The following PCDHGA10 variants were observed in gnomAD, a reference collection of about 807,000 sequenced individuals.
The protein encoded by PCDHGA10 is protocadherin gamma subfamily A, 10.
Under a neutral mutation model 59.5 loss-of-function variants are expected in PCDHGA10, and 42 were observed. That is an observed-to-expected ratio of 0.71 (90% CI 0.55 to 0.91). PCDHGA10 has a LOEUF of 0.91. Ranked by LOEUF, PCDHGA10 falls within the 40% of genes least tolerant of loss-of-function variation. The pLI is 0.00. For synonymous variants in PCDHGA10, 511 were observed against 517.2 expected (o/e 0.99, Z 0.16); for missense variants, 1,111 against 1,198.2 (o/e 0.93, Z 1.07).
intron 1 of PCDHGA10, among the ~76,000 whole-genome samples, chr5:141,482,412 T>C (rs2099559037): frequency 6.6e-6 from 1 of 151,636 alleles, no homozygotes; most frequent in Non-Finnish European, 1.5e-5. Context: ...TAACTATTTG[T>C]TGAACTAAAA....
At chr5:141,441,764 C>T (rs1407504024) in intron 1 of PCDHGA10, 1 of 384,478 alleles carries the variant, frequency 2.6e-6, no homozygotes, top group South Asian at 2.1e-5. Context: ...TGAGCCTGCG[C>T]GTGTTGGTGG....
At position 141,414,085 on chromosome 5, in the gene PCDHGA10, G is replaced by C. The variant is rs1459185694; in HGVS notation, c.910G>C (p.Glu304Gln). 1 of 1,600,126 alleles carries C rather than the reference G, an allele frequency of 6.2e-7. No homozygotes were observed. The highest frequency in any genetic ancestry group is 8.5e-7 in the Non-Finnish European group (1 of 1,173,212). ...GTTCCAACTAAACAAATATACTGGA[G>C]AAATAAAAATATCAGAAAATCTAGA... The part of the protein sequence containing the change: ...LKFQLNKYTG[E>Q]IKISENLDYE... The change falls in exon 1 of 4, where the codon GAA becomes CAA. Residue 304 changes from glutamate (E) to glutamine (Q), a missense_variant. By Grantham distance (29) the Glu-to-Gln change is conservative (BLOSUM62 2). Transcript: ENST00000398610.
At position 141,472,368 on chromosome 5, in the gene PCDHGA10, C is replaced by T. The variant is rs555805048; in HGVS notation, c.2437-22439C>T. ...CATCCTGGCTAACACGGTGAAACCC[C>T]GTCTCCACTAAAAATAGAAAAAATT... is the stretch of plus-strand genomic sequence containing the variant. On this transcript the variant is annotated intron_variant, in intron 1 of 3. Transcript: ENST00000398610. Among the ~76,000 whole-genome samples, 214 of 152,012 alleles carry T rather than the reference C, an allele frequency of 1.4e-3. 1 individual carries two copies. The highest frequency in any genetic ancestry group is 4.8e-3 in the African/African-American group (199 of 41,452).
rs759437302 is a variant in PCDHGA10, at chr5:141,476,861, T to C, written c.2437-17946T>C. On this transcript the variant is annotated intron_variant, in intron 1 of 3. Transcript: ENST00000398610. The surrounding 1 kb of genome is among the most constrained non-coding windows in gnomAD (Gnocchi z 7.6). Reference sequence around the variant, plus strand: ...TGCGCCTGTCTTCAACCAGTCCTTGTACCGGGCGCGCGTCCTGGAGGATGC... The same window carrying C: ...TGCGCCTGTCTTCAACCAGTCCTTGCACCGGGCGCGCGTCCTGGAGGATGC... 6.2e-7 allele frequency: 1 copy of C among 1,613,864 alleles called. No individual in the cohort carries two copies. The highest frequency in any genetic ancestry group is 1.7e-5 in the Admixed American group (1 of 60,034).
In PCDHGA10 at chr5:141,491,867, T is replaced by A. The variant is rs1424221139; in HGVS notation, c.2437-2940T>A. On this transcript the variant is annotated intron_variant, in intron 1 of 3. Transcript: ENST00000398610. The surrounding 1 kb of genome is among the most constrained non-coding windows in gnomAD (Gnocchi z 6.9). ...TTGGACCGTTTGCGCGAAACCAGAG[T>A]GGCCGATTAAGGGATGGGGCTCCGA... 6.9e-7 allele frequency: 1 copy of A among 1,452,218 alleles called. No homozygotes were observed. The highest frequency in any genetic ancestry group is 9.1e-7 in the Non-Finnish European group (1 of 1,099,056). The allele number at this position is 1,452,218 out of a possible 1,614,324, so 90.0% of individuals were successfully genotyped here. A position where few individuals can be genotyped will look rare whatever the true frequency, so the allele number is the denominator to read the frequency against.
At chr5:141,481,533 T>TG (rs1246139713) in intron 1 of PCDHGA10, among the ~76,000 whole-genome samples, 2 of 152,200 alleles carry the variant, frequency 1.3e-5, no homozygotes, top group Admixed American at 6.5e-5. Context: ...AATCTAGAGA[T>TG]GGGGCTGGGC....
chr5:141,447,979 G>A (rs888759756), intron 1 of PCDHGA10, among the ~76,000 whole-genome samples: 15 of 151,814 alleles, frequency 9.9e-5, no homozygotes, highest in Admixed American at 5.9e-4. Context: ...CCAGCTACTC[G>A]GGAGGCTGAG....
chr5:141,432,090 A>T lies in PCDHGA10; in HGVS notation c.2436+16479A>T. 1 of 1,614,164 alleles carries T rather than the reference A, an allele frequency of 6.2e-7. No homozygotes were observed. Among genetic ancestry groups the T allele is most frequent in the Non-Finnish European group, 8.5e-7 (1 of 1,180,034 alleles). On this transcript the variant is annotated intron_variant, in intron 1 of 3. Transcript: ENST00000398610. The surrounding 1 kb of genome is among the most constrained non-coding windows in gnomAD (Gnocchi z 6.0). ...ACTCATATCTCGCTGAACGTGGCAG[A>T]CACCAACGACAACCCGCCGGTCTTC... is the stretch of plus-strand genomic sequence containing the variant.
At position 141,476,753 on chromosome 5, in the gene PCDHGA10, G is replaced by C; in HGVS notation, c.2437-18054G>C. On this transcript the variant is annotated intron_variant, in intron 1 of 3. Coordinates refer to ENST00000398610, the MANE Select transcript of PCDHGA10 (RefSeq NM_018913.3). This position sits in a 1 kb window ranked among gnomAD's most constrained non-coding sequence, Gnocchi z 7.6. Reference sequence around the variant, plus strand: ...AGAACGGGAGCCTAGTCTCCAGTTAGTGCTGACGGCGTTGGACGGAGGGAC... The same window carrying C: ...AGAACGGGAGCCTAGTCTCCAGTTACTGCTGACGGCGTTGGACGGAGGGAC... 3.1e-6 allele frequency: 5 copies of C among 1,614,012 alleles called. No individual in the cohort carries two copies. The highest frequency in any genetic ancestry group is 4.2e-6 in the Non-Finnish European group (5 of 1,180,030).
In PCDHGA10 at chr5:141,489,844, C is replaced by A; in HGVS notation, c.2437-4963C>A. 2 of 1,614,148 alleles carry A rather than the reference C, an allele frequency of 1.2e-6. No individual in the cohort carries two copies. Among genetic ancestry groups the A allele is most frequent in the Non-Finnish European group, 1.7e-6 (2 of 1,179,982 alleles). On this transcript the variant is annotated intron_variant, in intron 1 of 3. Coordinates refer to ENST00000398610, the MANE Select transcript of PCDHGA10 (RefSeq NM_018913.3). The surrounding 1 kb of genome is among the most constrained non-coding windows in gnomAD (Gnocchi z 4.5). Reference sequence around the variant, plus strand: ...GCTGGTGCTAGAGCAGCAGCTGGATCGTGAAGCCCAGGCAAGACATCAGCT... The same window carrying A: ...GCTGGTGCTAGAGCAGCAGCTGGATAGTGAAGCCCAGGCAAGACATCAGCT...
Position 141,505,229 on chromosome 5 carries a change from G to T in PCDHGA10, c.2496-164G>T, listed in dbSNP as rs116169437. 9.5e-4 allele frequency: 809 copies of T among 847,460 alleles called. 6 individuals carry two copies. In the African/African-American group the frequency reaches 0.013, roughly 13 times the overall value. 52.5% of individuals were successfully genotyped at this position (847,460 alleles called of 1,614,324 possible). ...TGAGGGACTGACTTGTGGGATTCTG[G>T]CTTCTGAAGGATTGTAGAAGTGCCT... On this transcript the variant is annotated intron_variant, in intron 2 of 3. Coordinates refer to ENST00000398610, the MANE Select transcript of PCDHGA10 (RefSeq NM_018913.3).
chr5:141,431,604 G>C lies in PCDHGA10; in HGVS notation c.2436+15993G>C. 1 of 1,614,206 alleles carries C rather than the reference G, an allele frequency of 6.2e-7. No individual in the cohort carries two copies. Among genetic ancestry groups the C allele is most frequent in the South Asian group, 1.1e-5 (1 of 91,088 alleles). On this transcript the variant is annotated intron_variant, in intron 1 of 3. Coordinates refer to ENST00000398610, the MANE Select transcript of PCDHGA10 (RefSeq NM_018913.3). The surrounding 1 kb of genome is among the most constrained non-coding windows in gnomAD (Gnocchi z 4.8). ...AATGCGGAAGTGAGGTATTCCTTCC[G>C]GTATGTGGACGACAAGGCGGCCCAA...
At chr5:141,478,500 T>G in intron 1 of PCDHGA10, 1 of 1,612,740 alleles carries the variant, frequency 6.2e-7, no homozygotes, top group Non-Finnish European at 8.5e-7. Flanking sequence ...TGTGATCCGG[T>G]GTTCTATAGG....
Position 141,425,635 on chromosome 5 carries a change from T to C in PCDHGA10, c.2436+10024T>C, listed in dbSNP as rs376675545. On this transcript the variant is annotated intron_variant, in intron 1 of 3. Coordinates refer to ENST00000398610, the MANE Select transcript of PCDHGA10 (RefSeq NM_018913.3). ...TCAGTGCTCCTCCAGTTTTCTCTGA[T>C]AAAACTAGGAGGAAAATTATCTGCA... Among the ~76,000 whole-genome samples, 51 of 152,354 alleles carry C rather than the reference T, an allele frequency of 3.3e-4. 1 individual carries two copies. The South Asian group carries it at 0.01, about 30-fold the overall frequency.
rs1193465269 is a variant in PCDHGA10 at position 141,467,055 on chromosome 5, C to CT, written c.2437-27736dup. Among the ~76,000 whole-genome samples, 814 of 134,448 alleles carry CT rather than the reference C, an allele frequency of 6.1e-3. 10 individuals carry two copies. Among genetic ancestry groups the CT allele is most frequent in the African/African-American group, 0.018 (656 of 36,920 alleles). The allele number at this position is 134,448 out of a possible 152,430, so 88.2% of individuals were successfully genotyped here. A position where few individuals can be genotyped will look rare whatever the true frequency, so the allele number is the denominator to read the frequency against. Reference sequence around the variant, plus strand: ...TTTTTGTGTAATGAATCAATGTTTTCTTTTTTTTTTTTTTTTAGACCAAGT... The same window carrying CT: ...TTTTTGTGTAATGAATCAATGTTTTCTTTTTTTTTTTTTTTTTAGACCAAGT... On this transcript the variant is annotated intron_variant, in intron 1 of 3. Coordinates refer to ENST00000398610, the MANE Select transcript of PCDHGA10 (RefSeq NM_018913.3).
At chr5:141,419,723 C>A in intron 1 of PCDHGA10, 6 of 1,613,292 alleles carry the variant, frequency 3.7e-6, no homozygotes, top group Non-Finnish European at 5.1e-6. Flanking sequence ...CCTGGGGCTG[C>A]GAACAGGCGA....
chr5:141,440,330 G>A (rs1377511406), intron 1 of PCDHGA10: 1 of 152,162 alleles, frequency 6.6e-6, no homozygotes, highest in Non-Finnish European at 1.5e-5. Context: ...ACTGGGCATG[G>A]TGGTGCAGGC....
intron 1 of PCDHGA10, chr5:141,418,093 C>T: frequency 6.2e-7 from 1 of 1,614,032 alleles, no homozygotes; most frequent in East Asian, 2.2e-5. Flanking sequence ...TCAGCGTAGA[C>T]GCGCAGAGCG....
intron 1 of PCDHGA10, chr5:141,422,813 TAGAACTG>T: frequency 6.2e-7 from 1 of 1,614,192 alleles, no homozygotes; most frequent in Non-Finnish European, 8.5e-7. Flanking sequence ...TTTCGAGACT[TAGAACTG>T]AGAGTGATAG....
Sources: allele counts gnomAD v4.1 joint callset (sites outside exome capture counted in the v4.1 genomes callset), GRCh38; gene constraint gnomAD v4.1.1; non-coding constraint Gnocchi (gnomAD v3.1); transcripts MANE v1.5; gene names NCBI Gene and HGNC (gene_info 2026-07-23, HGNC 2026-07-21).